The following DNAJC15 variants were observed in gnomAD, a reference collection of about 807,000 sequenced individuals.
The protein encoded by DNAJC15 is DnaJ heat shock protein family (Hsp40) member C15.
DNAJC15 carries 27 observed loss-of-function variants against 22.4 expected under a neutral mutation model. The observed-to-expected ratio is 1.20, with a 90% confidence interval of 0.89 to 1.66. The LOEUF (loss-of-function observed/expected upper bound fraction) is 1.66, where lower values mean the gene tolerates loss of function less well. Among genes scored for constraint, DNAJC15 ranks in the 40% most tolerant of loss-of-function variants. The probability of loss-of-function intolerance (pLI) is 0.00; values close to 1 mark genes in which losing one functional copy is unlikely to be tolerated. For synonymous variants in DNAJC15, 79 were observed against 63.2 expected (o/e 1.25, Z -1.19); for missense variants, 208 against 187.1 (o/e 1.11, Z -0.65).
At chr13:43,078,957 A>G (rs1446469431) in intron 4 of DNAJC15, 1 of 220,352 alleles carries the variant, frequency 4.5e-6, no homozygotes, top group African/African-American at 2.3e-5. Flanking sequence ...CTGATGTTTC[A>G]GTTAACCAAA....
At position 43,109,646 on chromosome 13, in the gene DNAJC15, A is replaced by C. The variant is rs2040814997; in HGVS notation, c.*2398A>C. The C allele has an allele frequency of 1.3e-5, 2 of 151,798 alleles. No individual in the cohort carries two copies. The highest frequency in any genetic ancestry group is 4.8e-5 in the African/African-American group (2 of 41,310). The allele number at this position is 151,798 out of a possible 1,614,324, so 9.4% of individuals were successfully genotyped here. ...TTATGTGATCTTGGGCAGTTACTTA[A>C]TTTTCTAGTCAATAACCCGTATCTA... On this transcript the variant is annotated 3_prime_UTR_variant, in exon 6 of 6. Transcript: ENST00000379221.
At chr13:43,027,480 A>C (rs755016956) in intron 1 of DNAJC15, among the ~76,000 whole-genome samples, 2 of 152,236 alleles carry the variant, frequency 1.3e-5, no homozygotes, top group African/African-American at 2.4e-5. Flanking sequence ...CATTATAAAC[A>C]ATCCTGATAC....
chr13:43,093,113 C>G (rs2040723234), intron 5 of DNAJC15, among the ~76,000 whole-genome samples: 1 of 152,156 alleles, frequency 6.6e-6, no homozygotes. Context: ...AATGTCATTT[C>G]TAAAATTTCC....
rs942295195 is a variant in DNAJC15 at position 43,088,449 on chromosome 13, G to A, written c.382+2611G>A. 3.9e-5 allele frequency among the ~76,000 whole-genome samples: 6 copies of A among 152,252 alleles called. No homozygotes were observed. In the East Asian group the frequency reaches 1.2e-3, roughly 29 times the overall value. Reference sequence around the variant, plus strand: ...AGCTTCCTGTTTCACAAGGCAGCTTGCTTTACTGGTGGACAGCTCTAACTA... The same window carrying A: ...AGCTTCCTGTTTCACAAGGCAGCTTACTTTACTGGTGGACAGCTCTAACTA... On this transcript the variant is annotated intron_variant, in intron 5 of 5. Transcript: ENST00000379221.
chr13:43,097,447 A>G (rs1210973153), intron 5 of DNAJC15, among the ~76,000 whole-genome samples: 1 of 152,152 alleles, frequency 6.6e-6, no homozygotes, highest in Admixed American at 6.5e-5. Context: ...CATACTACAA[A>G]CTTCAGGTTT....
At chr13:43,034,525 C>G (rs963874681) in intron 1 of DNAJC15, among the ~76,000 whole-genome samples, 17 of 151,778 alleles carry the variant, frequency 1.1e-4, no homozygotes, top group African/African-American at 2.7e-4. Flanking sequence ...CCGTGTTAGC[C>G]AGGATGGTCT....
At chr13:43,039,670 C>T (rs562503920) in intron 1 of DNAJC15, among the ~76,000 whole-genome samples, 2 of 152,208 alleles carry the variant, frequency 1.3e-5, no homozygotes, top group East Asian at 3.9e-4. Context: ...TGAAAAAGGC[C>T]CTTTCCTTCA....
intron 1 of DNAJC15, among the ~76,000 whole-genome samples, chr13:43,046,463 T>G (rs1001700291): frequency 6.6e-6 from 1 of 152,016 alleles, no homozygotes; most frequent in Non-Finnish European, 1.5e-5. Flanking sequence ...CTGGGGAAGG[T>G]GACCGCACCT....
At chr13:43,087,985 T>C (rs968408316) in intron 5 of DNAJC15, among the ~76,000 whole-genome samples, 1 of 152,202 alleles carries the variant, frequency 6.6e-6, no homozygotes, top group Non-Finnish European at 1.5e-5. Flanking sequence ...ATCTTTTAGA[T>C]TACTGCTTTT....
intron 1 of DNAJC15, among the ~76,000 whole-genome samples, chr13:43,056,193 C>T (rs966610910): frequency 2.0e-5 from 3 of 150,108 alleles, no homozygotes; most frequent in Non-Finnish European, 4.4e-5. Context: ...CTCTTGTTGC[C>T]TAGGCTGAAG....
chr13:43,080,024 G>A lies in DNAJC15; in HGVS notation c.311+1336G>A, dbSNP rs532276680. On this transcript the variant is annotated intron_variant, in intron 4 of 5. Transcript: ENST00000379221. ...TTAGTTTTAACTGCATAAAGTTGCC[G>A]TGAAGATTAAATTATATAATATATG... Among the ~76,000 whole-genome samples the A allele has an allele frequency of 5.3e-5, 8 of 152,228 alleles. No homozygotes were observed. The South Asian group carries it at 8.3e-4, about 16-fold the overall frequency.
At chr13:43,101,258 G>A (rs1355377512) in intron 5 of DNAJC15, among the ~76,000 whole-genome samples, 2 of 152,122 alleles carry the variant, frequency 1.3e-5, no homozygotes, top group Non-Finnish European at 2.9e-5. Context: ...AAACTCCTGG[G>A]CTCAAGTGAT....
chr13:43,051,634 G>GGT (rs57271276), intron 1 of DNAJC15, among the ~76,000 whole-genome samples: 6,575 of 133,078 alleles, frequency 0.049, 329 homozygotes, highest in East Asian at 0.33. Context: ...AGTACTTCAT[G>GGT]GTGTGTGTGT....
At chr13:43,031,698 T>G (rs1408162) in intron 1 of DNAJC15, among the ~76,000 whole-genome samples, 42,790 of 152,120 alleles carry the variant, frequency 0.28, 6,170 homozygotes, top group South Asian at 0.4. Context: ...TACTTGTAGA[T>G]GAATAAATTG....
intron 4 of DNAJC15, among the ~76,000 whole-genome samples, chr13:43,081,035 TACTG>T (rs2040659329): frequency 6.6e-6 from 1 of 152,226 alleles, no homozygotes; most frequent in African/African-American, 2.4e-5. Flanking sequence ...ATTTTAAAAA[TACTG>T]TATGTGTTCT....
intron 4 of DNAJC15, among the ~76,000 whole-genome samples, chr13:43,084,507 G>A (rs899596586): frequency 1.3e-5 from 2 of 152,146 alleles, no homozygotes; most frequent in Non-Finnish European, 2.9e-5. Context: ...TAGCTATTAT[G>A]TTGTGGTTCA....
At position 43,110,499 on chromosome 13, in the gene DNAJC15, G is replaced by C. The variant is rs2040819612; in HGVS notation, c.*3251G>C. On this transcript the variant is annotated 3_prime_UTR_variant, in exon 6 of 6. Transcript: ENST00000379221. ...TTGAGTCTGTGAAGGCATTACTTAA[G>C]AACAAAGTCAGGCATGTATAATTGA... 1.3e-5 allele frequency: 2 copies of C among 152,116 alleles called. No homozygotes were observed. The highest frequency in any genetic ancestry group is 4.8e-5 in the African/African-American group (2 of 41,420). The allele number at this position is 152,116 out of a possible 1,614,324, so 9.4% of individuals were successfully genotyped here. A position where few individuals can be genotyped will look rare whatever the true frequency, so the allele number is the denominator to read the frequency against.
intron 1 of DNAJC15, among the ~76,000 whole-genome samples, chr13:43,053,458 G>C (rs1422081095): frequency 6.6e-6 from 1 of 152,098 alleles, no homozygotes; most frequent in African/African-American, 2.4e-5. Flanking sequence ...CTCGTATTTT[G>C]ATGGGAATTG....
intron 4 of DNAJC15, among the ~76,000 whole-genome samples, chr13:43,079,387 AATTTTTTAAAATTTAAAG>A (rs1185349113): frequency 6.6e-6 from 1 of 152,164 alleles, no homozygotes; most frequent in African/African-American, 2.4e-5. Context: ...ATATCTTGTA[AATTTTTTAAAATTTAAAG>A]ATTTTTTAAA....
Sources: gnomAD v4.1 joint callset for allele counts (sites outside exome capture counted in the v4.1 genomes callset) on GRCh38, gnomAD v4.1.1 for gene constraint, MANE v1.5 for transcripts, NCBI Gene and HGNC (gene_info 2026-07-23, HGNC 2026-07-21) for gene names.